The following RTN4R variants were observed in gnomAD, a reference collection of about 807,000 sequenced individuals.
RTN4R encodes reticulon 4 receptor.
RTN4R carries 4 observed loss-of-function variants against 27.7 expected under a neutral mutation model. That is an observed-to-expected ratio of 0.14 (90% CI 0.07 to 0.33). RTN4R has a LOEUF of 0.33. Ranked by LOEUF, RTN4R falls within the 10% of genes least tolerant of loss-of-function variation. RTN4R has a pLI of 1.00. For missense variants in RTN4R, 554 were observed against 671.5 expected (o/e 0.83, Z 1.93); for synonymous variants, 290 against 305.6 (o/e 0.95, Z 0.53).
At chr22:20,261,723 T>C (rs1164190792) in intron 1 of RTN4R, among the ~76,000 whole-genome samples, 4 of 152,160 alleles carry the variant, frequency 2.6e-5, no homozygotes, top group Non-Finnish European at 5.9e-5. Flanking sequence ...GGGCCCTCCC[T>C]CCCTGCCAGT....
At chr22:20,250,760 T>C (rs1037086306) in intron 1 of RTN4R, among the ~76,000 whole-genome samples, 1 of 152,116 alleles carries the variant, frequency 6.6e-6, no homozygotes, top group Non-Finnish European at 1.5e-5. Flanking sequence ...CAGTCAAATA[T>C]GCATAAAATA....
rs1267343026 is a variant in RTN4R, at chr22:20,255,346, CAGG to C, written c.23-12239_23-12237del. 6.6e-6 allele frequency among the ~76,000 whole-genome samples: 1 copy of C among 152,196 alleles called. No homozygotes were observed. The highest frequency in any genetic ancestry group is 2.4e-5 in the African/African-American group (1 of 41,438). On this transcript the variant is annotated intron_variant, in intron 1 of 1. Coordinates refer to ENST00000043402, the MANE Select transcript of RTN4R (RefSeq NM_023004.6). The surrounding 1 kb of genome is among the most constrained non-coding windows in gnomAD (Gnocchi z 4.8). Reference sequence around the variant, plus strand: ...GTTAGAAGCAGGTGTCTCCAAGGTGCAGGAGGAGAGCGAGGGACAGTGAGAGCT... The same window carrying C: ...GTTAGAAGCAGGTGTCTCCAAGGTGCAGGAGAGCGAGGGACAGTGAGAGCT...
At chr22:20,251,764 C>G (rs1200547512) in intron 1 of RTN4R, among the ~76,000 whole-genome samples, 1 of 13,416 alleles carries the variant, frequency 7.5e-5, no homozygotes, top group African/African-American at 2.7e-4. Flanking sequence ...CACTATCATC[C>G]TCATCACCAT....
Position 20,241,964 on chromosome 22 carries a change from G to T in RTN4R, c.1169C>A (p.Ser390Tyr). 6.2e-7 allele frequency: 1 copy of T among 1,609,358 alleles called. No individual in the cohort carries two copies. The change falls in exon 2 of 2, where the codon TCT becomes TAT. Residue 390 changes from serine to tyrosine, a missense_variant. Coordinates refer to ENST00000043402, the MANE Select transcript of RTN4R (RefSeq NM_023004.6). ...CACTGCAGTGAGCGGGGGCTCAGCAGAGCCAGGCAGAGTCCCAAAGGGTGA... is the reference window on the plus strand; with the variant it reads ...CACTGCAGTGAGCGGGGGCTCAGCATAGCCAGGCAGAGTCCCAAAGGGTGA... The part of the protein sequence containing the change: ...NDSPFGTLPG[S>Y]AEPPLTAVRP...
At chr22:20,258,128 C>T (rs2051222535) in intron 1 of RTN4R, among the ~76,000 whole-genome samples, 1 of 152,210 alleles carries the variant, frequency 6.6e-6, no homozygotes, top group African/African-American at 2.4e-5. Flanking sequence ...AGCTCCAAGG[C>T]CAAGTTGCAG....
chr22:20,267,973 G>T, intron 1 of RTN4R, 98 bp downstream of exon 1: 2 of 688,684 alleles, frequency 2.9e-6, no homozygotes, highest in South Asian at 6.0e-5. Flanking sequence ...CCCTCGCCTC[G>T]GCAGCCCGGG....
chr22:20,263,254 C>G (rs2145985713), intron 1 of RTN4R, among the ~76,000 whole-genome samples: 1 of 152,292 alleles, frequency 6.6e-6, no homozygotes, highest in Middle Eastern at 3.4e-3. Context: ...CAGGTCTCCT[C>G]CTCTGGTCCT....
intron 1 of RTN4R, among the ~76,000 whole-genome samples, chr22:20,252,864 C>T (rs1251356284): frequency 6.6e-6 from 1 of 152,124 alleles, no homozygotes; most frequent in Admixed American, 6.5e-5. Flanking sequence ...CAAATCTGTC[C>T]CCACACCAGT....
At chr22:20,258,115 C>T (rs897961674) in intron 1 of RTN4R, among the ~76,000 whole-genome samples, 15 of 152,192 alleles carry the variant, frequency 9.9e-5, no homozygotes, top group African/African-American at 3.1e-4. Context: ...GAGGAGAAAG[C>T]CCAGCTCCAA....
intron 1 of RTN4R, among the ~76,000 whole-genome samples, chr22:20,261,502 G>C (rs913523863): frequency 2.0e-5 from 3 of 152,208 alleles, no homozygotes; most frequent in African/African-American, 7.2e-5. Context: ...CCAGCTTCAC[G>C]ATAGCCACGT....
intron 1 of RTN4R, among the ~76,000 whole-genome samples, chr22:20,260,398 G>C (rs1354505899): frequency 6.6e-6 from 1 of 152,190 alleles, no homozygotes; most frequent in Non-Finnish European, 1.5e-5. Flanking sequence ...CAAGTGGAGA[G>C]TGTGTGGGAG....
Position 20,268,155 on chromosome 22 carries a change from C to A in RTN4R, c.-63G>T. 1.0e-6 allele frequency: 1 copy of A among 979,476 alleles called. No homozygotes were observed. The highest frequency in any genetic ancestry group is 4.7e-5 in the South Asian group (1 of 21,278). The allele number at this position is 979,476 out of a possible 1,614,324, so 60.7% of individuals were successfully genotyped here. On this transcript the variant is annotated 5_prime_UTR_variant, in exon 1 of 2. Transcript: ENST00000043402. ...CGTTTCGGGGCGGGCGCCCGTCTCC[C>A]CGCGGCCGGGTCCGCATCCAGGCGC...
At chr22:20,248,716 G>C (rs1005738843) in intron 1 of RTN4R, among the ~76,000 whole-genome samples, 1 of 152,078 alleles carries the variant, frequency 6.6e-6, no homozygotes, top group Non-Finnish European at 1.5e-5. Flanking sequence ...TGCCCTATGG[G>C]AGAGTTAGGA....
At chr22:20,243,707 G>T (rs1179097100) in intron 1 of RTN4R, 7 of 365,840 alleles carry the variant, frequency 1.9e-5, no homozygotes, top group South Asian at 1.5e-4. Flanking sequence ...AGCACTTCCT[G>T]ACTTGGCAGG....
chr22:20,266,768 G>A (rs963324245), intron 1 of RTN4R, among the ~76,000 whole-genome samples: 1 of 152,238 alleles, frequency 6.6e-6, no homozygotes, highest in Non-Finnish European at 1.5e-5. Context: ...GCCACAGCCT[G>A]TCTAGGCACA....
At position 20,268,193 on chromosome 22, in the gene RTN4R, C is replaced by T; in HGVS notation, c.-101G>A. On this transcript the variant is annotated 5_prime_UTR_variant, in exon 1 of 2. Transcript: ENST00000043402. ...CGCATCCAGGCGCCGCCGCTACGGC[C>T]CGGCCCCGGCCCGGCCGCGGGACGA... The T allele has an allele frequency of 2.4e-6, 1 of 421,052 alleles. No individual in the cohort carries two copies. Among genetic ancestry groups the T allele is most frequent in the Non-Finnish European group, 3.3e-6 (1 of 302,116 alleles). The allele number at this position is 421,052 out of a possible 1,614,324, so 26.1% of individuals were successfully genotyped here. A position where few individuals can be genotyped will look rare whatever the true frequency, so the allele number is the denominator to read the frequency against.
intron 1 of RTN4R, among the ~76,000 whole-genome samples, chr22:20,259,166 C>T (rs559782974): frequency 5.3e-5 from 8 of 152,278 alleles, no homozygotes; most frequent in African/African-American, 1.9e-4. Context: ...CACCCATCAC[C>T]CATCATCCGC....
chr22:20,256,246 A>G (rs701422), intron 1 of RTN4R, among the ~76,000 whole-genome samples: 1 of 152,172 alleles, frequency 6.6e-6, no homozygotes, highest in African/African-American at 2.4e-5. Context: ...AGCCCAGGGC[A>G]CAGAGGGGTC....
intron 1 of RTN4R, among the ~76,000 whole-genome samples, chr22:20,249,870 G>A (rs187581736): frequency 1.2e-4 from 19 of 152,364 alleles, no homozygotes; most frequent in South Asian, 4.1e-4. Context: ...TGAGGCTCTT[G>A]CCGGCTTGTT....
Sources: gnomAD v4.1 joint callset for allele counts (sites outside exome capture counted in the v4.1 genomes callset) on GRCh38, gnomAD v4.1.1 for gene constraint, Gnocchi (gnomAD v3.1) non-coding constraint, MANE v1.5 for transcripts, NCBI Gene and HGNC (gene_info 2026-07-23, HGNC 2026-07-21) for gene names.